SEC63: variants seen among roughly 807,000 people sequenced by gnomAD.
SEC63 encodes SEC63 protein translocation regulator.
SEC63 carries 56 observed loss-of-function variants against 116.2 expected under a neutral mutation model. That is an observed-to-expected ratio of 0.48 (90% CI 0.39 to 0.60). The LOEUF is 0.60. Among genes scored for constraint, SEC63 ranks in the 20% least tolerant of loss-of-function variants. The pLI is 0.00. For synonymous variants in SEC63, 273 were observed against 294.6 expected (o/e 0.93, Z 0.75); for missense variants, 668 against 900.0 (o/e 0.74, Z 3.30).
At position 107,901,421 on chromosome 6, in the gene SEC63, T is replaced by C. The variant is rs1166898811; in HGVS notation, c.1306A>G (p.Met436Val). 1 of 1,613,304 alleles carries C rather than the reference T, an allele frequency of 6.2e-7. No homozygotes were observed. Among genetic ancestry groups the C allele is most frequent in the Non-Finnish European group, 8.5e-7 (1 of 1,179,592 alleles). ...FLEDEKYEEV[M>V]AVLGSFPYVT... ...TATGGAAAACTCCCAAGGACAGCCA[T>C]AACCTCTTCATATTTTTCATCTTCA... The change falls in exon 13 of 21, where the codon ATG becomes GTG. Residue 436 changes from methionine (M) to valine (V), a missense_variant. Physicochemically the swap from Met to Val is conservative, Grantham distance 21. Around this residue, in one of 5 missense-constraint regions of SEC63, gnomAD observed 430 missense variants for 557.5 expected, o/e 0.77. Transcript: ENST00000369002.
At chr6:107,938,017 A>C (rs919353761) in intron 1 of SEC63, among the ~76,000 whole-genome samples, 3 of 151,744 alleles carry the variant, frequency 2.0e-5, no homozygotes, top group African/African-American at 7.2e-5. Flanking sequence ...TTTGCTGTGC[A>C]GAATCTTTTA....
intron 10 of SEC63, 93 bp from the exon 11 acceptor site, chr6:107,904,814 G>A: frequency 2.2e-6 from 2 of 926,198 alleles, no homozygotes; most frequent in Admixed American, 1.8e-5. Flanking sequence ...TTAAAGTTAT[G>A]CCACAAATAT....
chr6:107,915,172 C>T (rs924963172), intron 4 of SEC63, among the ~76,000 whole-genome samples: 1 of 152,126 alleles, frequency 6.6e-6, no homozygotes, highest in Non-Finnish European at 1.5e-5. Flanking sequence ...ATGATGCTAA[C>T]AGAATTTTTG....
chr6:107,905,684 G>GGAGGTGA lies in SEC63; in HGVS notation c.961+757_961+763dup, dbSNP rs1255932477. Among the ~76,000 whole-genome samples, 6 of 152,182 alleles carry GGAGGTGA rather than the reference G, an allele frequency of 3.9e-5. No individual in the cohort carries two copies. The South Asian group carries it at 6.2e-4, about 16-fold the overall frequency. On this transcript the variant is annotated intron_variant, in intron 10 of 20. Coordinates refer to ENST00000369002, the MANE Select transcript of SEC63 (RefSeq NM_007214.5). ...ACTGTCGGAGGAAGCTTGTAGATGG[G>GGAGGTGA]GAGGTGAGAGGTGTTGGTTGTTGTG... is the stretch of plus-strand genomic sequence containing the variant.
rs144970130 is a variant in SEC63 at position 107,941,352 on chromosome 6, C to T, written c.125-11838G>A. On this transcript the variant is annotated intron_variant, in intron 1 of 20. Transcript: ENST00000369002. ...CACCCATAGTCCAGCTACCCACACA[C>T]ACCCATAGTCCAGCTACATAGTCCT... Among the ~76,000 whole-genome samples, 164 of 152,136 alleles carry T rather than the reference C, an allele frequency of 1.1e-3. 3 individuals carry two copies. The East Asian group carries it at 0.021, about 19-fold the overall frequency.
At chr6:107,909,825 T>C (rs1696740281) in intron 7 of SEC63, among the ~76,000 whole-genome samples, 1 of 152,204 alleles carries the variant, frequency 6.6e-6, no homozygotes, top group African/African-American at 2.4e-5. Flanking sequence ...ACTTAATTAT[T>C]AGACTCACTA....
intron 16 of SEC63, among the ~76,000 whole-genome samples, chr6:107,885,239 A>C (rs1786501168): frequency 6.6e-6 from 1 of 152,216 alleles, no homozygotes; most frequent in African/African-American, 2.4e-5. Flanking sequence ...GTCTTTATTC[A>C]CAGATGGCAA....
At chr6:107,912,077 T>C (rs571738646) in intron 6 of SEC63, among the ~76,000 whole-genome samples, 1 of 152,336 alleles carries the variant, frequency 6.6e-6, no homozygotes, top group Non-Finnish European at 1.5e-5. Context: ...AATAACTTAA[T>C]AGCCATTTTC....
rs1336011024 is a variant in SEC63, at chr6:107,958,023, C to G, written c.-14G>C. 6.2e-7 allele frequency: 1 copy of G among 1,612,992 alleles called. No homozygotes were observed. The highest frequency in any genetic ancestry group is 1.7e-5 in the Admixed American group (1 of 60,002). On this transcript the variant is annotated 5_prime_UTR_variant, in exon 1 of 21. Transcript: ENST00000369002. ...CTGCCCGGCCATGGCACCCCCTCCTCCGCCTCGCTCTTCTCACCGCCGCCG... is the reference window on the plus strand; with the variant it reads ...CTGCCCGGCCATGGCACCCCCTCCTGCGCCTCGCTCTTCTCACCGCCGCCG...
chr6:107,875,923 C>T (rs2114394069), intron 19 of SEC63, among the ~76,000 whole-genome samples: 1 of 152,180 alleles, frequency 6.6e-6, no homozygotes, highest in South Asian at 2.1e-4. Flanking sequence ...TTATTATTAA[C>T]CTATTTCATG....
intron 1 of SEC63, among the ~76,000 whole-genome samples, chr6:107,939,430 C>G (rs1328842242): frequency 6.6e-6 from 1 of 152,118 alleles, no homozygotes; most frequent in East Asian, 1.9e-4. Context: ...ACCTAATTGG[C>G]AAAGGCAGTT....
intron 4 of SEC63, among the ~76,000 whole-genome samples, chr6:107,913,758 T>C (rs185949062): frequency 1.3e-5 from 2 of 152,334 alleles, no homozygotes; most frequent in Admixed American, 1.3e-4. Flanking sequence ...GCAGGGAGAA[T>C]TGTAGGCGAT....
intron 1 of SEC63, among the ~76,000 whole-genome samples, chr6:107,933,878 G>A (rs935153024): frequency 8.5e-5 from 13 of 152,304 alleles, no homozygotes; most frequent in Admixed American, 2.6e-4. Context: ...GCGCCGCCAC[G>A]CCTGACTGGT....
chr6:107,912,789 A>G lies in SEC63; in HGVS notation c.515-15T>C. The G allele has an allele frequency of 7.5e-6, 12 of 1,598,682 alleles. No homozygotes were observed. The highest frequency in any genetic ancestry group is 1.0e-5 in the Non-Finnish European group (12 of 1,166,712). ...AAAGCTTGTGGCTGAAATAGAAAAA[A>G]TATCAGTTTCTGAAGAATCTCTACT... is the stretch of plus-strand genomic sequence containing the variant. On this transcript the variant is annotated splice_polypyrimidine_tract_variant and intron_variant, in intron 5 of 20. Coordinates refer to ENST00000369002, the MANE Select transcript of SEC63 (RefSeq NM_007214.5).
intron 18 of SEC63, 50 bp downstream of exon 18, chr6:107,881,099 G>T: frequency 3.8e-6 from 5 of 1,302,712 alleles, no homozygotes; most frequent in Non-Finnish European, 5.6e-6. Context: ...ACAAATCCCT[G>T]AGGAGAAAGT....
At chr6:107,888,166 C>G (rs1786581736) in intron 16 of SEC63, among the ~76,000 whole-genome samples, 1 of 152,150 alleles carries the variant, frequency 6.6e-6, no homozygotes, top group South Asian at 2.1e-4. Flanking sequence ...AGCATTGAAT[C>G]TATAAATTAC....
In SEC63 at chr6:107,901,452, G is replaced by A; in HGVS notation, c.1275C>T (p.His425=). 1 of 1,611,024 alleles carries A rather than the reference G, an allele frequency of 6.2e-7. No homozygotes were observed. The highest frequency in any genetic ancestry group is 8.5e-7 in the Non-Finnish European group (1 of 1,177,544). Reference sequence around the variant, plus strand: ...CTTCATATTTTTCATCTTCAAGGAAGTGCAGTAGAGTGTGACGATCTGATT... The same window carrying A: ...CTTCATATTTTTCATCTTCAAGGAAATGCAGTAGAGTGTGACGATCTGATT... ...LKESDRHTLL[H]FLEDEKYEEV... is the part of the protein sequence containing the mutation. The change falls in exon 13 of 21, where the codon CAC becomes CAT. Residue 425 remains histidine (H), a synonymous_variant. Transcript: ENST00000369002.
At chr6:107,924,246 A>G (rs1295444639) in intron 3 of SEC63, among the ~76,000 whole-genome samples, 1 of 147,786 alleles carries the variant, frequency 6.8e-6, no homozygotes, top group Non-Finnish European at 1.5e-5. Context: ...CCTGGGCAAC[A>G]GAGCAAAACT....
At chr6:107,927,986 T>C (rs1479807293) in intron 2 of SEC63, among the ~76,000 whole-genome samples, 4 of 152,202 alleles carry the variant, frequency 2.6e-5, no homozygotes, top group Admixed American at 2.0e-4. Context: ...TCTTCCCACT[T>C]GGAACCCGCA....
Sources: allele counts gnomAD v4.1 joint callset (sites outside exome capture counted in the v4.1 genomes callset), GRCh38; gene constraint gnomAD v4.1.1; regional missense constraint gnomAD v4.1.1; transcripts MANE v1.5; gene names NCBI Gene and HGNC (gene_info 2026-07-23, HGNC 2026-07-21).